The following PTPRD variants were observed in gnomAD, a reference collection of about 807,000 sequenced individuals.
PTPRD encodes the protein protein tyrosine phosphatase receptor type D.
A neutral mutation model predicts 214.5 loss-of-function variants in PTPRD; 34 were observed. That is an observed-to-expected ratio of 0.16 (90% CI 0.12 to 0.21). The LOEUF is 0.21. PTPRD is among the 10% of genes least tolerant of loss of function. The probability of loss-of-function intolerance (pLI) is 1.00; values close to 1 mark genes in which losing one functional copy is unlikely to be tolerated. For missense variants in PTPRD, 2,545 were observed against 2,398.7 expected (o/e 1.06, Z -1.27); for synonymous variants, 1,128 against 845.7 (o/e 1.33, Z -5.79).
At chr9:10,185,441 G>C (rs1031959607) in intron 3 of PTPRD, among the ~76,000 whole-genome samples, 3 of 152,148 alleles carry the variant, frequency 2.0e-5, no homozygotes, top group Non-Finnish European at 2.9e-5. Flanking sequence ...AAGAAAATTA[G>C]CATTTATATC....
At chr9:9,066,606 G>T (rs528300251) in intron 10 of PTPRD, among the ~76,000 whole-genome samples, 1 of 152,144 alleles carries the variant, frequency 6.6e-6, no homozygotes, top group Admixed American at 6.5e-5. Context: ...TGAGAGGGGG[G>T]AGATTATTCT....
chr9:8,513,928 TAA>T (rs1379891441), intron 21 of PTPRD, among the ~76,000 whole-genome samples: 2 of 152,114 alleles, frequency 1.3e-5, no homozygotes, highest in Non-Finnish European at 2.9e-5. Flanking sequence ...GTATTAAAAG[TAA>T]AACTATTATG....
chr9:10,485,290 G>C (rs943124675), intron 2 of PTPRD, among the ~76,000 whole-genome samples: 1 of 151,994 alleles, frequency 6.6e-6, no homozygotes, highest in Admixed American at 6.6e-5. Flanking sequence ...TTAAAGTCAG[G>C]TATGTGATAC....
At chr9:10,313,452 G>A (rs563512381) in intron 3 of PTPRD, among the ~76,000 whole-genome samples, 50 of 145,142 alleles carry the variant, frequency 3.4e-4, no homozygotes, top group African/African-American at 1.3e-3. Context: ...TCCTTATTTT[G>A]TTCATTTTCA....
intron 12 of PTPRD, 146 bp downstream of exon 12, chr9:8,733,634 G>T: frequency 1.3e-6 from 1 of 773,458 alleles, no homozygotes; most frequent in Non-Finnish European, 2.1e-6. Context: ...TCTTTCAAAG[G>T]CTGGCTGGTA....
At chr9:9,778,736 A>C (rs982031973) in intron 5 of PTPRD, among the ~76,000 whole-genome samples, 3 of 152,046 alleles carry the variant, frequency 2.0e-5, no homozygotes, top group African/African-American at 7.2e-5. Flanking sequence ...CAGATCCCCA[A>C]ATACAGCTGG....
intron 11 of PTPRD, among the ~76,000 whole-genome samples, chr9:8,814,506 C>T (rs2096881138): frequency 2.0e-5 from 3 of 152,048 alleles, no homozygotes; most frequent in Non-Finnish European, 4.4e-5. Context: ...TCAACAGCAC[C>T]AAAGACGGCA....
intron 14 of PTPRD, among the ~76,000 whole-genome samples, chr9:8,551,274 C>T (rs2082034956): frequency 6.6e-6 from 1 of 152,096 alleles, no homozygotes; most frequent in Non-Finnish European, 1.5e-5. Context: ...TTTCAGAAGC[C>T]ATTGAGGAAA....
At chr9:10,296,877 C>T (rs1362175811) in intron 3 of PTPRD, among the ~76,000 whole-genome samples, 1 of 151,830 alleles carries the variant, frequency 6.6e-6, no homozygotes. Context: ...GTTTTGTTGA[C>T]CACTTCAGGT....
intron 2 of PTPRD, among the ~76,000 whole-genome samples, chr9:10,378,712 A>C (rs2097771445): frequency 6.6e-6 from 1 of 151,980 alleles, no homozygotes; most frequent in Non-Finnish European, 1.5e-5. Context: ...TGTTTTGGTT[A>C]GTATAGCTGT....
intron 5 of PTPRD, among the ~76,000 whole-genome samples, chr9:9,796,124 A>G (rs2099000913): frequency 6.6e-6 from 1 of 152,170 alleles, no homozygotes. Context: ...ACTTCCAAAC[A>G]GAGGCTGTAT....
At position 10,090,917 on chromosome 9, in the gene PTPRD, T is replaced by TACACACAC. The variant is rs747128757; in HGVS notation, c.-544-57128_-544-57127insGTGTGTGT. On this transcript the variant is annotated intron_variant, in intron 3 of 45. Transcript: ENST00000381196. ...AGGACATTTGTGTATATAAATGAAA[T>TACACACAC]ATACACACACACACACACACACACA... Among the ~76,000 whole-genome samples the TACACACAC allele has an allele frequency of 4.8e-3, 257 of 52,998 alleles. 2 individuals are homozygous for TACACACAC. Among genetic ancestry groups the TACACACAC allele is most frequent in the East Asian group, 0.018 (17 of 944 alleles). The allele number at this position is 52,998 out of a possible 152,430, so 34.8% of individuals were successfully genotyped here. A position where few individuals can be genotyped will look rare whatever the true frequency, so the allele number is the denominator to read the frequency against.
At chr9:10,051,907 A>G (rs2097541936) in intron 3 of PTPRD, among the ~76,000 whole-genome samples, 1 of 152,074 alleles carries the variant, frequency 6.6e-6, no homozygotes, top group African/African-American at 2.4e-5. Context: ...TACCACAGCA[A>G]CCACATGTTT....
At chr9:8,869,683 G>A (rs368684085) in intron 11 of PTPRD, among the ~76,000 whole-genome samples, 1 of 151,312 alleles carries the variant, frequency 6.6e-6, no homozygotes, top group Non-Finnish European at 1.5e-5. Context: ...AGAAGCTAGC[G>A]GCCTTTTTCC....
At chr9:10,584,705 C>T (rs1250466736) in intron 2 of PTPRD, among the ~76,000 whole-genome samples, 1 of 152,074 alleles carries the variant, frequency 6.6e-6, no homozygotes, top group Non-Finnish European at 1.5e-5. Flanking sequence ...AGAAATAAGT[C>T]GCTGAGACAA....
At chr9:10,415,296 A>C (rs1213872022) in intron 2 of PTPRD, among the ~76,000 whole-genome samples, 1 of 151,778 alleles carries the variant, frequency 6.6e-6, no homozygotes, top group Non-Finnish European at 1.5e-5. Flanking sequence ...AGAGAACAAG[A>C]ATGTCTTATA....
At chr9:9,140,887 T>A (rs1161712190) in intron 10 of PTPRD, among the ~76,000 whole-genome samples, 1 of 152,178 alleles carries the variant, frequency 6.6e-6, no homozygotes, top group Non-Finnish European at 1.5e-5. Context: ...CAAACAGTGC[T>A]ACATCTTTAA....
At chr9:10,340,429 T>C (rs1315153372) in intron 3 of PTPRD, among the ~76,000 whole-genome samples, 1 of 151,888 alleles carries the variant, frequency 6.6e-6, no homozygotes, top group Non-Finnish European at 1.5e-5. Context: ...ATCACACCAG[T>C]GTGAGATTAT....
At chr9:10,600,356 A>G (rs1171001392) in intron 2 of PTPRD, among the ~76,000 whole-genome samples, 1 of 151,722 alleles carries the variant, frequency 6.6e-6, no homozygotes, top group African/African-American at 2.4e-5. Flanking sequence ...CCTTCTTTTC[A>G]ATGTAGATTT....
Sources: gnomAD v4.1 joint callset for allele counts (sites outside exome capture counted in the v4.1 genomes callset) on GRCh38, gnomAD v4.1.1 for gene constraint, MANE v1.5 for transcripts, NCBI Gene and HGNC (gene_info 2026-07-23, HGNC 2026-07-21) for gene names.